The following CADM2 variants were observed in gnomAD, a reference collection of about 807,000 sequenced individuals.
CADM2 encodes immunoglobulin superfamily member 4D.
CADM2 carries 12 observed loss-of-function variants against 49.8 expected under a neutral mutation model. The ratio of observed to expected loss-of-function variants is 0.24; its 90% CI spans 0.15 to 0.39. CADM2 has a LOEUF of 0.39. Ranked by LOEUF, CADM2 falls within the 10% of genes least tolerant of loss-of-function variation. The pLI, the probability that CADM2 is intolerant of heterozygous loss-of-function variation, is 1.00. For missense variants in CADM2, 378 were observed against 492.3 expected, an observed-to-expected ratio of 0.77 and a Z score of 2.20; for synonymous variants, 214 against 175.4, an observed-to-expected ratio of 1.22 and a Z score of -1.74.
At chr3:85,759,016 A>G (rs1184872403) in intron 2 of CADM2, among the ~76,000 whole-genome samples, 2 of 152,104 alleles carry the variant, frequency 1.3e-5, no homozygotes, top group Non-Finnish European at 2.9e-5. Context: ...ATAAGAAATA[A>G]TGCTATTGCA....
chr3:85,163,447 A>AT (rs938756085), intron 1 of CADM2, among the ~76,000 whole-genome samples: 7 of 152,116 alleles, frequency 4.6e-5, no homozygotes, highest in Non-Finnish European at 7.4e-5. Context: ...TATCTCAGCC[A>AT]TAATAACGAA....
chr3:85,105,355 TC>T (rs2038174894), intron 1 of CADM2, among the ~76,000 whole-genome samples: 1 of 152,136 alleles, frequency 6.6e-6, no homozygotes, highest in Non-Finnish European at 1.5e-5. Context: ...ATGCTCACCA[TC>T]ACTGGCCATC....
At position 86,065,798 on chromosome 3, in the gene CADM2, T is replaced by C. The variant is rs562069262; in HGVS notation, c.1096+68T>C. On this transcript the variant is annotated intron_variant, in intron 9 of 9. Transcript: ENST00000383699. Reference sequence around the variant, plus strand: ...TCTAGACTAACTTCATTATAAAATATGATATCAGTGCATATATGTTTCTGT... The same window carrying C: ...TCTAGACTAACTTCATTATAAAATACGATATCAGTGCATATATGTTTCTGT... 2.0e-6 allele frequency: 3 copies of C among 1,500,548 alleles called. No homozygotes were observed. In the South Asian group the frequency reaches 3.7e-5, roughly 18 times the overall value. The allele number at this position is 1,500,548 out of a possible 1,614,324, so 93.0% of individuals were successfully genotyped here.
intron 1 of CADM2, among the ~76,000 whole-genome samples, chr3:85,260,310 C>A (rs1482022563): frequency 1.3e-5 from 2 of 152,076 alleles, no homozygotes; most frequent in Non-Finnish European, 2.9e-5. Context: ...ACAGAAGGAA[C>A]AATCTCCAAA....
intron 3 of CADM2, among the ~76,000 whole-genome samples, chr3:85,847,143 G>A (rs1025049721): frequency 2.6e-5 from 4 of 152,178 alleles, no homozygotes; most frequent in Non-Finnish European, 5.9e-5. Context: ...GTGCCAGGCT[G>A]TTAATAACTT....
chr3:85,090,033 T>A (rs1047841213), intron 1 of CADM2, among the ~76,000 whole-genome samples: 2 of 152,056 alleles, frequency 1.3e-5, no homozygotes, highest in Non-Finnish European at 2.9e-5. Context: ...TAATCTCAAA[T>A]TTTTTTCCAG....
intron 1 of CADM2, among the ~76,000 whole-genome samples, chr3:85,367,833 A>ATATG (rs1314795272): frequency 2.0e-5 from 3 of 148,010 alleles, no homozygotes; most frequent in African/African-American, 7.4e-5. Flanking sequence ...ATACATATAT[A>ATATG]TGTGTGTGTG....
chr3:85,892,343 G>GT (rs1714559696), intron 5 of CADM2, among the ~76,000 whole-genome samples: 1 of 152,162 alleles, frequency 6.6e-6, no homozygotes, highest in Non-Finnish European at 1.5e-5. Flanking sequence ...AGAGGCAGTA[G>GT]GAGAAATTAA....
chr3:85,401,328 G>A (rs1007075405), intron 1 of CADM2, among the ~76,000 whole-genome samples: 8 of 152,194 alleles, frequency 5.3e-5, no homozygotes, highest in African/African-American at 1.9e-4. Context: ...GCCTCTGTCT[G>A]CCAGAGAGAT....
intron 1 of CADM2, among the ~76,000 whole-genome samples, chr3:85,546,860 C>G (rs187745053): frequency 1.3e-5 from 2 of 152,162 alleles, no homozygotes; most frequent in African/African-American, 4.8e-5. Flanking sequence ...TTTGAGACAT[C>G]TAAGCCAAGA....
At chr3:86,017,002 A>G (rs1732335456) in intron 8 of CADM2, among the ~76,000 whole-genome samples, 1 of 151,998 alleles carries the variant, frequency 6.6e-6, no homozygotes, top group South Asian at 2.1e-4. Context: ...AATCAATCCA[A>G]TAGAAAAATA....
chr3:84,964,238 T>G (rs2030800942), intron 1 of CADM2, among the ~76,000 whole-genome samples: 1 of 152,194 alleles, frequency 6.6e-6, no homozygotes, highest in Non-Finnish European at 1.5e-5. Flanking sequence ...AAAAAAATAC[T>G]TAAATCACTT....
chr3:85,265,077 C>G (rs953926940), intron 1 of CADM2, among the ~76,000 whole-genome samples: 5 of 152,010 alleles, frequency 3.3e-5, no homozygotes, highest in Non-Finnish European at 5.9e-5. Flanking sequence ...TAAGTACTCA[C>G]TGGCAGATAT....
At chr3:85,318,344 A>C (rs116358874) in intron 1 of CADM2, among the ~76,000 whole-genome samples, 29 of 152,248 alleles carry the variant, frequency 1.9e-4, no homozygotes, top group African/African-American at 6.5e-4. Flanking sequence ...TTATCAGAGA[A>C]AGGCAATATT....
At chr3:85,998,129 A>G (rs950730541) in intron 8 of CADM2, among the ~76,000 whole-genome samples, 5 of 152,198 alleles carry the variant, frequency 3.3e-5, no homozygotes, top group African/African-American at 1.2e-4. Context: ...AGGTGTTGGT[A>G]CAATTAAAAT....
chr3:84,978,237 A>G (rs1337266101), intron 1 of CADM2, among the ~76,000 whole-genome samples: 5 of 152,058 alleles, frequency 3.3e-5, no homozygotes, highest in Admixed American at 3.3e-4. Context: ...TTACTAGTTG[A>G]TAAGCTCTGT....
intron 1 of CADM2, among the ~76,000 whole-genome samples, chr3:85,628,561 A>G (rs1346201994): frequency 2.0e-5 from 3 of 147,256 alleles, no homozygotes; most frequent in Non-Finnish European, 4.5e-5. Context: ...ACACACACAT[A>G]TATATACATA....
rs373721567 is a variant in CADM2, at chr3:85,568,608, C to CTCTTTTT, written c.62-157913_62-157912insCTTTTTT. Among the ~76,000 whole-genome samples the CTCTTTTT allele has an allele frequency of 5.0e-3, 184 of 36,754 alleles. 7 individuals carry two copies. Among genetic ancestry groups the CTCTTTTT allele is most frequent in the East Asian group, 0.046 (9 of 196 alleles). 24.1% of individuals were successfully genotyped at this position (36,754 alleles called of 152,430 possible). On this transcript the variant is annotated intron_variant, in intron 1 of 9. Transcript: ENST00000383699. ...TTTCTTTCCTTCTTTTCTTTCCTCT[C>CTCTTTTT]TTTCTTTTTTTTTTTTTTTACAGTC...
chr3:85,246,085 G>A (rs2042639442), intron 1 of CADM2, among the ~76,000 whole-genome samples: 1 of 152,144 alleles, frequency 6.6e-6, no homozygotes, highest in Admixed American at 6.5e-5. Context: ...ATTTTAAACA[G>A]TTACTTTTAA....
Sources: gnomAD v4.1 joint callset for allele counts (sites outside exome capture counted in the v4.1 genomes callset) on GRCh38, gnomAD v4.1.1 for gene constraint, MANE v1.5 for transcripts, NCBI Gene and HGNC (gene_info 2026-07-23, HGNC 2026-07-21) for gene names.